The following IL1R2 variants were observed in gnomAD, a reference collection of about 807,000 sequenced individuals.
IL1R2 encodes the protein interleukin-1 receptor type 2.
IL1R2 carries 46 observed loss-of-function variants against 39.5 expected under a neutral mutation model. That is an observed-to-expected ratio of 1.16 (90% CI 0.92 to 1.49). The LOEUF is 1.49. Ranked by LOEUF, IL1R2 falls within the 40% of genes most tolerant of loss-of-function variation. IL1R2 has a pLI of 0.00. For synonymous variants in IL1R2, 207 were observed against 189.6 expected, an observed-to-expected ratio of 1.09 and a Z score of -0.75; for missense variants, 537 against 502.0, an observed-to-expected ratio of 1.07 and a Z score of -0.67.
chr2:102,022,287 G>T (rs781078644), intron 6 of IL1R2, 38 bp downstream of exon 6: 124 of 1,551,850 alleles, frequency 8.0e-5, no homozygotes, highest in Non-Finnish European at 1.0e-4. Context: ...ACGCACCTGT[G>T]GGGGTGCCTG....
intron 8 of IL1R2, 29 bp from the exon 9 acceptor site, chr2:102,028,197 C>A: frequency 6.3e-7 from 1 of 1,582,564 alleles, no homozygotes; most frequent in Non-Finnish European, 8.6e-7. Context: ...GACTGTTCAG[C>A]TCCTGATGTG....
intron 1 of IL1R2, among the ~76,000 whole-genome samples, chr2:102,005,663 G>T (rs1676216028): frequency 6.6e-6 from 1 of 152,162 alleles, no homozygotes; most frequent in Admixed American, 6.5e-5. Flanking sequence ...CTCCCAGGGG[G>T]ATCACATGAC....
At chr2:102,010,435 G>T (rs1354190243) in intron 3 of IL1R2, among the ~76,000 whole-genome samples, 1 of 152,130 alleles carries the variant, frequency 6.6e-6, no homozygotes, top group Non-Finnish European at 1.5e-5. Context: ...AATTAGCTGG[G>T]CATGGTGGCG....
At position 102,024,450 on chromosome 2, in the gene IL1R2, G is replaced by A. The variant is rs574065007; in HGVS notation, c.752-83G>A. On this transcript the variant is annotated intron_variant, in intron 6 of 8. Coordinates refer to ENST00000332549, the MANE Select transcript of IL1R2 (RefSeq NM_004633.4). ...GGTGGTGAGGGGTGTTTGAGAAGCC[G>A]AGGAGGGACTCAGGGCTCAGGTTTG... 7.7e-5 allele frequency: 74 copies of A among 959,370 alleles called. No homozygotes were observed. The African/African-American group carries it at 9.1e-4, about 12-fold the overall frequency. 59.4% of individuals were successfully genotyped at this position (959,370 alleles called of 1,614,324 possible).
chr2:102,001,505 T>C (rs954655430), intron 1 of IL1R2, among the ~76,000 whole-genome samples: 7 of 152,198 alleles, frequency 4.6e-5, no homozygotes, highest in African/African-American at 1.7e-4. Context: ...CTGACACAGC[T>C]ATGCAGACCA....
chr2:102,024,243 T>C (rs1389321635), intron 6 of IL1R2, among the ~76,000 whole-genome samples: 1 of 152,136 alleles, frequency 6.6e-6, no homozygotes, highest in Non-Finnish European at 1.5e-5. Context: ...GAAGTCGGCT[T>C]GAATTTAGCA....
At chr2:102,026,029 G>C (rs1400801212) in intron 7 of IL1R2, 82 bp from the exon 8 acceptor site, 12 of 1,082,134 alleles carry the variant, frequency 1.1e-5, no homozygotes, top group African/African-American at 3.1e-5. Context: ...ACTTCTAAAG[G>C]AGAGTGTTTA....
At chr2:102,015,557 A>C (rs1183211879) in intron 3 of IL1R2, among the ~76,000 whole-genome samples, 1 of 152,242 alleles carries the variant, frequency 6.6e-6, no homozygotes, top group African/African-American at 2.4e-5. Flanking sequence ...AAATGGGCTG[A>C]GAATGCTTAC....
At chr2:102,009,950 G>C (rs914897343) in intron 3 of IL1R2, 124 bp downstream of exon 3, 1 of 1,143,944 alleles carries the variant, frequency 8.7e-7, no homozygotes, top group Non-Finnish European at 1.2e-6. Flanking sequence ...AATCCACATT[G>C]CATCCCGTTT....
At position 102,024,542 on chromosome 2, in the gene IL1R2, T is replaced by C. The variant is rs1284464129; in HGVS notation, c.761T>C (p.Leu254Pro). ...GCCTTGCCATCCACAGGGTCAAGACTGACAATCCCGTGTAAGGTGTTTCTG... is the reference window on the plus strand; with the variant it reads ...GCCTTGCCATCCACAGGGTCAAGACCGACAATCCCGTGTAAGGTGTTTCTG... Reference protein sequence around the residue: ...KTISASLGSRLTIPCKVFLGT... With the variant: ...KTISASLGSRPTIPCKVFLGT... The change falls in exon 7 of 9, where the codon CTG (leucine) becomes CCG (proline). Residue 254 changes from leucine to proline, a missense_variant. Physicochemically the swap from Leu to Pro is moderately conservative, Grantham distance 98 (BLOSUM62 -3). Transcript: ENST00000332549. 1 of 1,613,866 alleles carries C rather than the reference T, an allele frequency of 6.2e-7. No individual in the cohort carries two copies. The highest frequency in any genetic ancestry group is 8.5e-7 in the Non-Finnish European group (1 of 1,179,912).
In IL1R2 at chr2:102,028,451, G is replaced by T; in HGVS notation, c.*59G>T. On this transcript the variant is annotated 3_prime_UTR_variant, in exon 9 of 9. Coordinates refer to ENST00000332549, the MANE Select transcript of IL1R2 (RefSeq NM_004633.4). Reference sequence around the variant, plus strand: ...CCGTACGTCTTCTCTTATGGAAGTGGCTGTGTCTTTTTGAGGGACTCTGTT... The same window carrying T: ...CCGTACGTCTTCTCTTATGGAAGTGTCTGTGTCTTTTTGAGGGACTCTGTT... 7.0e-7 allele frequency: 1 copy of T among 1,433,160 alleles called. No homozygotes were observed. The highest frequency in any genetic ancestry group is 9.4e-7 in the Non-Finnish European group (1 of 1,061,738). The allele number at this position is 1,433,160 out of a possible 1,614,324, so 88.8% of individuals were successfully genotyped here.
chr2:102,027,675 C>G (rs1232382074), intron 8 of IL1R2, among the ~76,000 whole-genome samples: 1 of 152,186 alleles, frequency 6.6e-6, no homozygotes, highest in Non-Finnish European at 1.5e-5. Flanking sequence ...TGTCTGATAA[C>G]ACTCTGTTCT....
intron 1 of IL1R2, among the ~76,000 whole-genome samples, chr2:102,005,667 A>C (rs1339416323): frequency 2.0e-5 from 3 of 152,218 alleles, no homozygotes; most frequent in Admixed American, 1.3e-4. Flanking sequence ...CAGGGGGATC[A>C]CATGACACTT....
chr2:102,002,084 T>C (rs1219905953), intron 1 of IL1R2: 1 of 152,208 alleles, frequency 6.6e-6, no homozygotes, highest in Non-Finnish European at 1.5e-5. Flanking sequence ...TCCAGATATA[T>C]TCAAATATAT....
chr2:102,017,763 G>C (rs1433938334), intron 4 of IL1R2, among the ~76,000 whole-genome samples: 3 of 106,024 alleles, frequency 2.8e-5, no homozygotes, highest in African/African-American at 1.3e-4. Flanking sequence ...TCTTGTTGTA[G>C]TACTGTCTGT....
intron 1 of IL1R2, among the ~76,000 whole-genome samples, chr2:101,998,817 T>G (rs2071008): frequency 0.63 from 95,827 of 152,066 alleles, 31,531 homozygotes; most frequent in African/African-American, 0.81. Context: ...CAAGCACCCC[T>G]TGGAAACCAG....
intron 8 of IL1R2, among the ~76,000 whole-genome samples, 188 bp downstream of exon 8, chr2:102,026,441 A>G (rs1022148952): frequency 6.6e-6 from 1 of 152,206 alleles, no homozygotes; most frequent in South Asian, 2.1e-4. Flanking sequence ...GGACTTTGGG[A>G]GATTATACTC....
chr2:102,024,552 G>A lies in IL1R2; in HGVS notation c.771G>A (p.Pro257=). The change falls in exon 7 of 9, where the codon CCG becomes CCA. Residue 257 remains proline (P), a synonymous_variant. Coordinates refer to ENST00000332549, the MANE Select transcript of IL1R2 (RefSeq NM_004633.4). ...SASLGSRLTI[P]CKVFLGTGTP... ...CCACAGGGTCAAGACTGACAATCCC[G>A]TGTAAGGTGTTTCTGGGAACCGGCA... The A allele has an allele frequency of 6.2e-7, 1 of 1,614,024 alleles. No homozygotes were observed. Among genetic ancestry groups the A allele is most frequent in the Non-Finnish European group, 8.5e-7 (1 of 1,179,934 alleles).
chr2:102,028,220 C>A lies in IL1R2; in HGVS notation c.1031-6C>A, dbSNP rs1332115003. ...AGCTCCTGATGTGACTCTGTTCTTC[C>A]CACAGCCTCCTCCACGTTCTCCTGG... On this transcript the variant is annotated splice_polypyrimidine_tract_variant and splice_region_variant and intron_variant, in intron 8 of 8. Coordinates refer to ENST00000332549, the MANE Select transcript of IL1R2 (RefSeq NM_004633.4). The A allele has an allele frequency of 6.2e-7, 1 of 1,602,852 alleles. No individual in the cohort carries two copies. Among genetic ancestry groups the A allele is most frequent in the Admixed American group, 1.7e-5 (1 of 58,662 alleles).
Sources: allele counts gnomAD v4.1 joint callset (sites outside exome capture counted in the v4.1 genomes callset), GRCh38; gene constraint gnomAD v4.1.1; transcripts MANE v1.5; gene names NCBI Gene and HGNC (gene_info 2026-07-23, HGNC 2026-07-21).